The following C4orf51 variants were observed in gnomAD, a reference collection of about 807,000 sequenced individuals.
C4orf51 encodes uncharacterized protein C4orf51.
C4orf51 carries 25 observed loss-of-function variants against 25.2 expected under a neutral mutation model. That is an observed-to-expected ratio of 0.99 (90% CI 0.72 to 1.39). The LOEUF (loss-of-function observed/expected upper bound fraction) is 1.39, where lower values mean the gene tolerates loss of function less well. Among genes scored for constraint, C4orf51 ranks in the 40% most tolerant of loss-of-function variants. The pLI is 0.00. For missense variants in C4orf51, 252 were observed against 239.6 expected, an observed-to-expected ratio of 1.05 and a Z score of -0.34; for synonymous variants, 100 against 84.5, an observed-to-expected ratio of 1.18 and a Z score of -1.01.
At position 145,729,899 on chromosome 4, in the gene C4orf51, A is replaced by G; in HGVS notation, c.435A>G (p.Arg145=). The G allele has an allele frequency of 1.2e-6, 2 of 1,613,746 alleles. No individual in the cohort carries two copies. Among genetic ancestry groups the G allele is most frequent in the Non-Finnish European group, 1.7e-6 (2 of 1,179,670 alleles). The change falls in exon 5 of 6, where the codon AGA becomes AGG. Residue 145 remains arginine (R), a synonymous_variant. Coordinates refer to ENST00000438731, the MANE Select transcript of C4orf51 (RefSeq NM_001080531.3). ...TPPNYGKYCV[R]PKKPAQEALI... ...GCTATCTCTTCACCCTAGGTGTGAGACCTAAAAAGCCAGCACAGGAGGCCC... is the reference window on the plus strand; with the variant it reads ...GCTATCTCTTCACCCTAGGTGTGAGGCCTAAAAAGCCAGCACAGGAGGCCC...
intron 1 of C4orf51, among the ~76,000 whole-genome samples, chr4:145,694,836 C>T (rs1729948934): frequency 6.6e-6 from 1 of 152,018 alleles, no homozygotes; most frequent in South Asian, 2.1e-4. Context: ...GAAAACAGCT[C>T]CCTAGAGAAA....
chr4:145,786,758 G>C, the C4orf51 span, among the ~76,000 whole-genome samples: 3 of 152,188 alleles, frequency 2.0e-5, no homozygotes, highest in Admixed American at 6.5e-5. Flanking sequence ...CTGTGGTTAT[G>C]ACTCTTTGGG....
In C4orf51 at chr4:145,727,895, G is replaced by GTGTATATA. The variant is rs529040880; in HGVS notation, c.366+927_366+928insGTATATAT. On this transcript the variant is annotated intron_variant, in intron 3 of 5. Coordinates refer to ENST00000438731, the MANE Select transcript of C4orf51 (RefSeq NM_001080531.3). ...GAAACTCCACCTACAAAAAAAATGT[G>GTGTATATA]TATATATATATATATATATATATAT... Among the ~76,000 whole-genome samples, 532 of 101,598 alleles carry GTGTATATA rather than the reference G, an allele frequency of 5.2e-3. 3 individuals are homozygous for GTGTATATA. Among genetic ancestry groups the GTGTATATA allele is most frequent in the East Asian group, 8.7e-3 (31 of 3,556 alleles). The allele number at this position is 101,598 out of a possible 152,430, so 66.7% of individuals were successfully genotyped here.
Position 145,707,786 on chromosome 4 carries a change from T to A in C4orf51, c.307+11154T>A, listed in dbSNP as rs866786928. ...GAGGAAGGTTGCTCAGAGAAGGAGA[T>A]TAGCACAGAGTAGGCAGCTCCTGAA... On this transcript the variant is annotated intron_variant, in intron 2 of 5. Coordinates refer to ENST00000438731, the MANE Select transcript of C4orf51 (RefSeq NM_001080531.3). Among the ~76,000 whole-genome samples, 8 of 152,292 alleles carry A rather than the reference T, an allele frequency of 5.3e-5. 1 individual carries two copies. The South Asian group carries it at 1.7e-3, about 32-fold the overall frequency.
At chr4:145,718,114 T>C (rs758938438) in intron 2 of C4orf51, among the ~76,000 whole-genome samples, 21 of 152,232 alleles carry the variant, frequency 1.4e-4, no homozygotes, top group Non-Finnish European at 2.6e-4. Flanking sequence ...GCCCCACATC[T>C]GTACTGCTCT....
At position 145,752,317 on chromosome 4, in the gene C4orf51, G is replaced by A. The variant is rs572639227; in HGVS notation, n.168-1890G>A. ...CCAAAGTTCTTGATGTACTATCTGGGTATCGCTGCTGGTTATGCAGGACCC... is the reference window on the plus strand; with the variant it reads ...CCAAAGTTCTTGATGTACTATCTGGATATCGCTGCTGGTTATGCAGGACCC... On this transcript the variant is annotated intron_variant and non_coding_transcript_variant, in intron 1 of 1. Coordinates refer to the C4orf51 transcript ENST00000508981. Among the ~76,000 whole-genome samples, 121 of 152,310 alleles carry A rather than the reference G, an allele frequency of 7.9e-4. No individual in the cohort carries two copies. In the South Asian group the frequency reaches 0.025, roughly 31 times the overall value.
chr4:145,763,108 C>T lies in C4orf51; in HGVS notation n.167-7880C>T. 1 of 1,536,120 alleles carries T rather than the reference C, an allele frequency of 6.5e-7. No individual in the cohort carries two copies. Among genetic ancestry groups the T allele is most frequent in the South Asian group, 1.2e-5 (1 of 84,060 alleles). On this transcript the variant is annotated intron_variant and non_coding_transcript_variant, in intron 1 of 1. Transcript: ENST00000510096. This position sits in a 1 kb window ranked among gnomAD's most constrained non-coding sequence, Gnocchi z 4.6. ...GCCTTACCTAGAGGAGTCTGAAACTCACCACTGTCCTGAGCTACGGCAAAA... is the reference window on the plus strand; with the variant it reads ...GCCTTACCTAGAGGAGTCTGAAACTTACCACTGTCCTGAGCTACGGCAAAA...
At chr4:145,760,948 C>T (rs779898041) in intron 1 of C4orf51, 15 of 1,232,384 alleles carry the variant, frequency 1.2e-5, no homozygotes, top group South Asian at 8.5e-5. Flanking sequence ...ATCTGAGTTC[C>T]GGTACTTGTC....
At chr4:145,715,615 C>G (rs1255505142) in intron 2 of C4orf51, among the ~76,000 whole-genome samples, 1 of 152,158 alleles carries the variant, frequency 6.6e-6, no homozygotes, top group African/African-American at 2.4e-5. Flanking sequence ...CACCCAGGCT[C>G]CCACTATAGT....
At chr4:145,684,774 A>C (rs1364835795) in intron 1 of C4orf51, among the ~76,000 whole-genome samples, 1 of 152,178 alleles carries the variant, frequency 6.6e-6, no homozygotes, top group Non-Finnish European at 1.5e-5. Flanking sequence ...TTAGAAAAAA[A>C]GTCTTTAAAA....
downstream of C4orf51, chr4:145,759,234 G>A (rs1476652214): frequency 6.6e-6 from 1 of 152,050 alleles, no homozygotes; most frequent in Non-Finnish European, 1.5e-5. Context: ...TGGAAATTCT[G>A]TTGTTTTAAA....
chr4:145,701,715 G>A (rs1480671390), intron 2 of C4orf51, among the ~76,000 whole-genome samples: 1 of 151,690 alleles, frequency 6.6e-6, no homozygotes, highest in Non-Finnish European at 1.5e-5. Flanking sequence ...TGTTTCCCTT[G>A]CCTCCATAAC....
chr4:145,764,640 T>C, intron 1 of C4orf51: 1 of 265,460 alleles, frequency 3.8e-6, no homozygotes, highest in South Asian at 4.9e-5. Context: ...CACAGTATGA[T>C]TTATGCTTGG....
At chr4:145,703,503 A>G (rs1482720149) in intron 2 of C4orf51, among the ~76,000 whole-genome samples, 1 of 152,194 alleles carries the variant, frequency 6.6e-6, no homozygotes, top group Non-Finnish European at 1.5e-5. Context: ...GACGCGCATG[A>G]AACTCCTTAT....
intron 1 of C4orf51, among the ~76,000 whole-genome samples, chr4:145,692,412 G>T (rs1246810239): frequency 1.3e-5 from 2 of 152,014 alleles, no homozygotes; most frequent in East Asian, 2.0e-4. Context: ...GCAAAGTAGT[G>T]GTTCCTGTAG....
At chr4:145,726,380 TAAA>T (rs1732057149) in intron 2 of C4orf51, among the ~76,000 whole-genome samples, 1 of 152,134 alleles carries the variant, frequency 6.6e-6, no homozygotes, top group Non-Finnish European at 1.5e-5. Context: ...ATATTTCAAA[TAAA>T]AAAAGAAAAT....
At chr4:145,685,520 C>T (rs1170232777) in intron 1 of C4orf51, among the ~76,000 whole-genome samples, 1 of 152,158 alleles carries the variant, frequency 6.6e-6, no homozygotes, top group East Asian at 1.9e-4. Flanking sequence ...GTGAGAGGGT[C>T]GTGCTCAATT....
chr4:145,752,968 C>T (rs1372528449), intron 1 of C4orf51, among the ~76,000 whole-genome samples: 1 of 149,030 alleles, frequency 6.7e-6, no homozygotes, highest in Non-Finnish European at 1.5e-5. Flanking sequence ...TGCTCTCACT[C>T]CCCCAAGTAC....
intron 1 of C4orf51, among the ~76,000 whole-genome samples, chr4:145,693,373 C>T (rs1268063015): frequency 6.6e-6 from 1 of 151,168 alleles, no homozygotes; most frequent in African/African-American, 2.4e-5. Context: ...CAACAGGATC[C>T]CAAGGCAGAG....
Sources: gnomAD v4.1 joint callset for allele counts (sites outside exome capture counted in the v4.1 genomes callset) on GRCh38, gnomAD v4.1.1 for gene constraint, Gnocchi (gnomAD v3.1) non-coding constraint, MANE v1.5 for transcripts, NCBI Gene and HGNC (gene_info 2026-07-23, HGNC 2026-07-21) for gene names.